The following JADE1 variants were observed in gnomAD, a reference collection of about 807,000 sequenced individuals.
JADE1 encodes the protein jade family PHD finger 1, also known as protein Jade-1.
JADE1 carries 14 observed loss-of-function variants against 81.8 expected under a neutral mutation model. That is an observed-to-expected ratio of 0.17 (90% CI 0.11 to 0.27). The LOEUF (loss-of-function observed/expected upper bound fraction) is 0.27, where lower values mean the gene tolerates loss of function less well. JADE1 is among the 10% of genes least tolerant of loss of function. JADE1 has a pLI of 1.00. For synonymous variants in JADE1, 353 were observed against 391.9 expected, an observed-to-expected ratio of 0.90 and a Z score of 1.17; for missense variants, 690 against 1,047.9, an observed-to-expected ratio of 0.66 and a Z score of 4.71.
chr4:128,871,925 A>G lies in JADE1; in HGVS notation c.2192A>G (p.Asn731Ser). Residue 731 changes from asparagine to serine, a missense_variant, in exon 11 of 11, where the codon AAT (asparagine) becomes AGT (serine). Asn to Ser is a conservative substitution (Grantham distance 46). Transcript: ENST00000226319. This position sits in a 1 kb window ranked among gnomAD's most constrained non-coding sequence, Gnocchi z 4.1. ...CNGSLIKVNY[N>S]QTAVKVPTTP... ...GGCTCCCTAATCAAAGTAAACTATA[A>G]TCAGACTGCAGTCAAAGTGCCTACA... The G allele has an allele frequency of 1.2e-6, 2 of 1,614,032 alleles. No individual in the cohort carries two copies. The highest frequency in any genetic ancestry group is 1.7e-6 in the Non-Finnish European group (2 of 1,179,974).
In JADE1 at chr4:128,871,241, G is replaced by A; in HGVS notation, c.1622-114G>A. The A allele has an allele frequency of 8.0e-6, 8 of 1,000,940 alleles. No homozygotes were observed. The South Asian group carries it at 1.3e-4, about 16-fold the overall frequency. The allele number at this position is 1,000,940 out of a possible 1,614,324, so 62.0% of individuals were successfully genotyped here. A position where few individuals can be genotyped will look rare whatever the true frequency, so the allele number is the denominator to read the frequency against. On this transcript the variant is annotated intron_variant, in intron 10 of 10. Coordinates refer to ENST00000226319, the MANE Select transcript of JADE1 (RefSeq NM_199320.4). This position sits in a 1 kb window ranked among gnomAD's most constrained non-coding sequence, Gnocchi z 4.1. ...GTACAAACTTGGTGGTGTAAGTGTTGTGTTGTTGGGTGGGGAGTTCACATC... is the reference window on the plus strand; with the variant it reads ...GTACAAACTTGGTGGTGTAAGTGTTATGTTGTTGGGTGGGGAGTTCACATC...
At chr4:128,821,140 C>T (rs888814089) in intron 1 of JADE1, among the ~76,000 whole-genome samples, 2 of 152,170 alleles carry the variant, frequency 1.3e-5, no homozygotes, top group African/African-American at 4.8e-5. Flanking sequence ...GAATGGAACA[C>T]AAACTCCTGA....
In JADE1 at chr4:128,872,204, C is replaced by G. The variant is rs761680582; in HGVS notation, c.2471C>G (p.Thr824Ser). ...GCATCAGAAAAGAAATGTATACACA[C>G]CAGCAGCACTATCAGCAGAAGGACA... Reference protein sequence around the residue: ...SEASEKKCIHTSSTISRRTDI... With the variant: ...SEASEKKCIHSSSTISRRTDI... The change falls in exon 11 of 11, where the codon ACC (threonine) becomes AGC (serine). Residue 824 changes from threonine to serine, a missense_variant. Thr to Ser is a moderately conservative substitution (Grantham distance 58). Transcript: ENST00000226319. The G allele has an allele frequency of 6.2e-7, 1 of 1,614,100 alleles. No individual in the cohort carries two copies. Among genetic ancestry groups the G allele is most frequent in the Non-Finnish European group, 8.5e-7 (1 of 1,180,014 alleles).
At chr4:128,870,202 G>A (rs1287583546) in intron 10 of JADE1, among the ~76,000 whole-genome samples, 1 of 152,180 alleles carries the variant, frequency 6.6e-6, no homozygotes, top group Non-Finnish European at 1.5e-5. Flanking sequence ...TGATTCTAAT[G>A]ATTGATTCTT....
intron 2 of JADE1, among the ~76,000 whole-genome samples, chr4:128,832,104 G>T (rs1287741152): frequency 6.6e-6 from 1 of 152,152 alleles, no homozygotes; most frequent in Non-Finnish European, 1.5e-5. Flanking sequence ...CATCATTTAT[G>T]GTACTTCGCA....
chr4:128,835,799 C>T (rs1351842989), intron 2 of JADE1, among the ~76,000 whole-genome samples: 1 of 152,204 alleles, frequency 6.6e-6, no homozygotes, highest in Non-Finnish European at 1.5e-5. Context: ...GACTTGCTGG[C>T]CTCTGGTCTG....
intron 2 of JADE1, among the ~76,000 whole-genome samples, chr4:128,839,288 G>T (rs937859809): frequency 6.6e-6 from 1 of 152,208 alleles, no homozygotes; most frequent in African/African-American, 2.4e-5. Flanking sequence ...AGGCAGAGCA[G>T]TTCCCTCGGG....
intron 1 of JADE1, among the ~76,000 whole-genome samples, chr4:128,823,663 A>G (rs920901985): frequency 1.5e-4 from 23 of 152,214 alleles, no homozygotes; most frequent in African/African-American, 5.5e-4. Context: ...TGCTTGAGAT[A>G]TTTAGACAAG....
intron 2 of JADE1, among the ~76,000 whole-genome samples, chr4:128,834,530 CTTTTT>C (rs202245727): frequency 1.0e-5 from 1 of 99,218 alleles, no homozygotes; most frequent in Non-Finnish European, 2.1e-5. Context: ...CCAAATATTT[CTTTTT>C]TTTTTTTTTT....
chr4:128,849,454 C>G (rs2125862653), intron 5 of JADE1, among the ~76,000 whole-genome samples: 1 of 152,264 alleles, frequency 6.6e-6, no homozygotes, highest in South Asian at 2.1e-4. Flanking sequence ...AAGCTGAAGT[C>G]CAGGGAAACG....
chr4:128,858,332 T>C (rs1160923599), intron 8 of JADE1, among the ~76,000 whole-genome samples: 1 of 152,076 alleles, frequency 6.6e-6, no homozygotes, highest in Non-Finnish European at 1.5e-5. Context: ...CCTGCAGTGC[T>C]GTGTGGCTGA....
chr4:128,812,577 C>T (rs1240276591), intron 1 of JADE1, among the ~76,000 whole-genome samples: 2 of 152,208 alleles, frequency 1.3e-5, no homozygotes, highest in African/African-American at 2.4e-5. Flanking sequence ...CCCAGGATTC[C>T]TCCCGCGCCA....
At chr4:128,824,720 G>A (rs1560731081) in intron 1 of JADE1, among the ~76,000 whole-genome samples, 2 of 152,170 alleles carry the variant, frequency 1.3e-5, no homozygotes, top group South Asian at 4.1e-4. Context: ...ATTGCATTGG[G>A]TGATATATAA....
intron 1 of JADE1, among the ~76,000 whole-genome samples, chr4:128,830,264 G>A (rs1261274988): frequency 7.0e-6 from 1 of 142,798 alleles, no homozygotes; most frequent in Non-Finnish European, 1.5e-5. Flanking sequence ...TTGAGACAGG[G>A]TCTCTGTCGC....
chr4:128,818,977 C>T (rs926871592), intron 1 of JADE1, among the ~76,000 whole-genome samples: 3 of 151,882 alleles, frequency 2.0e-5, no homozygotes, highest in African/African-American at 7.3e-5. Context: ...CTGCAGGCAT[C>T]CCACACCAGG....
rs1196978495 is a variant in JADE1, at chr4:128,872,835, G to T, written c.*573G>T. 2.2e-6 allele frequency: 1 copy of T among 448,918 alleles called. No homozygotes were observed. The highest frequency in any genetic ancestry group is 2.4e-5 in the Admixed American group (1 of 41,890). 27.8% of individuals were successfully genotyped at this position (448,918 alleles called of 1,614,324 possible). A position where few individuals can be genotyped will look rare whatever the true frequency, so the allele number is the denominator to read the frequency against. ...GTGTAAATATAGCAGTCAGGGAAGA[G>T]AATTTTAAAAAAGGTCATTATTGAA... On this transcript the variant is annotated 3_prime_UTR_variant, in exon 11 of 11. Transcript: ENST00000226319.
At chr4:128,818,635 C>T (rs1002366546) in intron 1 of JADE1, among the ~76,000 whole-genome samples, 7 of 152,170 alleles carry the variant, frequency 4.6e-5, no homozygotes, top group African/African-American at 1.7e-4. Flanking sequence ...TTTTGTGGGT[C>T]ATATGGTCTG....
rs1315798898 is a variant in JADE1 at position 128,812,054 on chromosome 4, C to G, written c.-27+2177C>G. The G allele has an allele frequency of 3.9e-5, 6 of 151,952 alleles. No homozygotes were observed. In the East Asian group the frequency reaches 1.2e-3, roughly 30 times the overall value. 9.4% of individuals were successfully genotyped at this position (151,952 alleles called of 1,614,324 possible). A position where few individuals can be genotyped will look rare whatever the true frequency, so the allele number is the denominator to read the frequency against. On this transcript the variant is annotated intron_variant, in intron 1 of 10. Transcript: ENST00000226319. ...CAAGTGGCTTCTGGACGCGAGGGAG[C>G]GTTTGATTTGCAACTGGGGCCGAGC...
intron 1 of JADE1, among the ~76,000 whole-genome samples, chr4:128,810,607 G>A (rs1179929184): frequency 1.3e-5 from 2 of 151,776 alleles, no homozygotes; most frequent in Non-Finnish European, 2.9e-5. Context: ...TGTGTGGTGG[G>A]ACTGTATTTG....
Sources: gnomAD v4.1 joint callset for allele counts (sites outside exome capture counted in the v4.1 genomes callset) on GRCh38, gnomAD v4.1.1 for gene constraint, Gnocchi (gnomAD v3.1) non-coding constraint, MANE v1.5 for transcripts, NCBI Gene and HGNC (gene_info 2026-07-23, HGNC 2026-07-21) for gene names.